Variants in SLC44A1 observed in about 807,000 individuals in gnomAD.
SLC44A1 encodes the protein solute carrier family 44 member 1, also known as choline transporter-like protein 1.
In SLC44A1, 26 loss-of-function variants were observed where a neutral mutation model predicts 79.3. The observed-to-expected ratio is 0.33, with a 90% CI of 0.24 to 0.46. The LOEUF is 0.46. Among genes scored for constraint, SLC44A1 ranks in the 20% least tolerant of loss-of-function variants. The pLI, the probability that SLC44A1 is intolerant of heterozygous loss-of-function variation, is 1.00. For synonymous variants in SLC44A1, 263 were observed against 286.2 expected, an observed-to-expected ratio of 0.92 and a Z score of 0.82; for missense variants, 688 against 798.1, an observed-to-expected ratio of 0.86 and a Z score of 1.66.
At chr9:105,385,854 C>T in intron 15 of SLC44A1, 2 of 985,384 alleles carry the variant, frequency 2.0e-6, no homozygotes, top group Non-Finnish European at 2.4e-6. Flanking sequence ...TTGGTGTACA[C>T]TTGAACTGAC....
chr9:105,296,644 A>G (rs1378898861), intron 1 of SLC44A1, among the ~76,000 whole-genome samples: 1 of 152,224 alleles, frequency 6.6e-6, no homozygotes, highest in Non-Finnish European at 1.5e-5. Flanking sequence ...AAACGTAATG[A>G]ATATCAAACA....
intron 15 of SLC44A1, among the ~76,000 whole-genome samples, chr9:105,436,378 G>GA (rs1434525342): frequency 2.0e-5 from 3 of 152,052 alleles, no homozygotes; most frequent in Non-Finnish European, 4.4e-5. Context: ...CAGTAAAGGG[G>GA]AAAAAATCAT....
rs187004727 is a variant in SLC44A1, at chr9:105,390,271, A to C, written c.*1215A>C. The C allele has an allele frequency of 7.8e-6, 8 of 1,030,808 alleles. No individual in the cohort carries two copies. The Admixed American group carries it at 4.5e-4, about 58-fold the overall frequency. 63.9% of individuals were successfully genotyped at this position (1,030,808 alleles called of 1,614,324 possible). On this transcript the variant is annotated 3_prime_UTR_variant, in exon 16 of 16. Transcript: ENST00000374720. ...TGCTTGTTGTAATGGTGAATGCTTT[A>C]AGAAAAAAAAGTGTAATTTGCTAAG...
chr9:105,355,972 G>A (rs930578305), intron 5 of SLC44A1: 4 of 501,224 alleles, frequency 8.0e-6, no homozygotes, highest in Admixed American at 7.7e-5. Context: ...GAAGGGGCGG[G>A]TAATGTCTTC....
chr9:105,345,110 A>T (rs1277229248), intron 4 of SLC44A1, among the ~76,000 whole-genome samples: 1 of 152,210 alleles, frequency 6.6e-6, no homozygotes, highest in Admixed American at 6.6e-5. Flanking sequence ...CATCCTGAGG[A>T]TAGAGATATG....
intron 1 of SLC44A1, among the ~76,000 whole-genome samples, chr9:105,290,991 C>T (rs895697367): frequency 1.3e-5 from 2 of 152,116 alleles, no homozygotes; most frequent in Admixed American, 6.5e-5. Flanking sequence ...TTATGGTAAC[C>T]GTAAGTAGTT....
In SLC44A1 at chr9:105,394,527, C is replaced by T; in HGVS notation, c.*5471C>T. 1.0e-6 allele frequency: 1 copy of T among 979,404 alleles called. No homozygotes were observed. The highest frequency in any genetic ancestry group is 1.2e-6 in the Non-Finnish European group (1 of 828,136). The allele number at this position is 979,404 out of a possible 1,614,324, so 60.7% of individuals were successfully genotyped here. A position where few individuals can be genotyped will look rare whatever the true frequency, so the allele number is the denominator to read the frequency against. On this transcript the variant is annotated 3_prime_UTR_variant, in exon 16 of 16. Transcript: ENST00000374720. ...AGTGAGCCAAAAAAAAAAAAATATC[C>T]AAGAAGAAATAAATAGGGAATCCTT...
Position 105,278,630 on chromosome 9 carries a change from T to A in SLC44A1, c.37-20590T>A, listed in dbSNP as rs149372694. ...TCCTGACCTCAAATGATGTACCCGC[T>A]TCGGCCTCCCAAAGTCCTGGGATTA... On this transcript the variant is annotated intron_variant, in intron 1 of 15. Coordinates refer to ENST00000374720, the MANE Select transcript of SLC44A1 (RefSeq NM_080546.5). 4.0e-3 allele frequency among the ~76,000 whole-genome samples: 604 copies of A among 151,632 alleles called. 3 individuals are homozygous for A. Among genetic ancestry groups the A allele is most frequent in the African/African-American group, 0.014 (574 of 41,092 alleles).
chr9:105,428,463 A>G (rs540744824), intron 15 of SLC44A1, among the ~76,000 whole-genome samples: 14 of 152,320 alleles, frequency 9.2e-5, no homozygotes, highest in Admixed American at 8.5e-4. Context: ...TTCAGAGTTT[A>G]GACTCTGTGA....
chr9:105,350,850 G>A (rs915673641), intron 5 of SLC44A1, among the ~76,000 whole-genome samples: 1 of 152,028 alleles, frequency 6.6e-6, no homozygotes, highest in African/African-American at 2.4e-5. Flanking sequence ...ATCTTTCTTG[G>A]GTATCCAGGG....
chr9:105,266,686 T>C (rs1564404167), intron 1 of SLC44A1, among the ~76,000 whole-genome samples: 2 of 152,358 alleles, frequency 1.3e-5, no homozygotes, highest in South Asian at 2.1e-4. Context: ...ATACTAGTAC[T>C]GTATGGTCTT....
chr9:105,369,356 G>A (rs1434969024), intron 12 of SLC44A1, among the ~76,000 whole-genome samples: 1 of 152,184 alleles, frequency 6.6e-6, no homozygotes, highest in Non-Finnish European at 1.5e-5. Context: ...TTCAGAGATG[G>A]TGCTTTCTTG....
chr9:105,386,227 C>T, intron 15 of SLC44A1: 2 of 983,460 alleles, frequency 2.0e-6, no homozygotes, highest in Non-Finnish European at 2.4e-6. Flanking sequence ...TGTAAGAGAA[C>T]CTTGAGCTGC....
chr9:105,332,302 T>A lies in SLC44A1; in HGVS notation c.270-3261T>A, dbSNP rs553410514. On this transcript the variant is annotated intron_variant, in intron 3 of 15. Coordinates refer to ENST00000374720, the MANE Select transcript of SLC44A1 (RefSeq NM_080546.5). ...ACTCAGCTAATTTTTGTGTTTTTGG[T>A]AGAGATGGGGTTTCACCATGTTGTC... Among the ~76,000 whole-genome samples the A allele has an allele frequency of 3.9e-5, 6 of 152,026 alleles. No homozygotes were observed. In the South Asian group the frequency reaches 1.0e-3, roughly 26 times the overall value.
intron 3 of SLC44A1, among the ~76,000 whole-genome samples, chr9:105,323,619 A>G (rs1012934692): frequency 6.6e-6 from 1 of 152,206 alleles, no homozygotes; most frequent in South Asian, 2.1e-4. Flanking sequence ...ACAAGCTTCA[A>G]AGTTACTTAA....
intron 4 of SLC44A1, among the ~76,000 whole-genome samples, chr9:105,340,255 CT>C (rs1188312526): frequency 6.6e-6 from 1 of 152,116 alleles, no homozygotes; most frequent in East Asian, 1.9e-4. Flanking sequence ...ATGGATGAAC[CT>C]TGAGGACATT....
Position 105,341,713 on chromosome 9 carries a change from A to G in SLC44A1, c.406+6014A>G, listed in dbSNP as rs192401527. ...GGGCTGGATTTCCCTGTTCTATTCT[A>G]TTGCCACTTAATAATTTCTCATTCT... On this transcript the variant is annotated intron_variant, in intron 4 of 15. Transcript: ENST00000374720. Among the ~76,000 whole-genome samples, 3 of 152,272 alleles carry G rather than the reference A, an allele frequency of 2.0e-5. No individual in the cohort carries two copies. The East Asian group carries it at 5.8e-4, about 29-fold the overall frequency.
Position 105,390,667 on chromosome 9 carries a change from G to A in SLC44A1, c.*1611G>A. The A allele has an allele frequency of 3.0e-6, 3 of 985,214 alleles. No homozygotes were observed. Among genetic ancestry groups the A allele is most frequent in the Non-Finnish European group, 3.6e-6 (3 of 829,618 alleles). The allele number at this position is 985,214 out of a possible 1,614,324, so 61.0% of individuals were successfully genotyped here. A position where few individuals can be genotyped will look rare whatever the true frequency, so the allele number is the denominator to read the frequency against. On this transcript the variant is annotated 3_prime_UTR_variant, in exon 16 of 16. Transcript: ENST00000374720. ...TAAATTGTATTTTTTTTTAAGTATT[G>A]GTGTTCTTTACTCTAGCTAGGCTAA...
intron 12 of SLC44A1, among the ~76,000 whole-genome samples, chr9:105,373,534 T>C (rs1343013177): frequency 6.6e-6 from 1 of 152,078 alleles, no homozygotes; most frequent in African/African-American, 2.4e-5. Flanking sequence ...AACAGAAGGC[T>C]CAGCTCAATC....
Sources: gnomAD v4.1 joint callset for allele counts (sites outside exome capture counted in the v4.1 genomes callset) on GRCh38, gnomAD v4.1.1 for gene constraint, MANE v1.5 for transcripts, NCBI Gene and HGNC (gene_info 2026-07-23, HGNC 2026-07-21) for gene names.